Variants in SLC10A7 observed in about 807,000 individuals in gnomAD.
The protein encoded by SLC10A7 is solute carrier family 10 member 7.
Under a neutral mutation model 43.2 loss-of-function variants are expected in SLC10A7, and 29 were observed. That is an observed-to-expected ratio of 0.67 (90% CI 0.50 to 0.92). SLC10A7 has a LOEUF of 0.92. Among genes scored for constraint, SLC10A7 ranks in the 40% least tolerant of loss-of-function variants. The pLI is 0.00. For missense variants in SLC10A7, 295 were observed against 403.2 expected (o/e 0.73, Z 2.30); for synonymous variants, 152 against 144.8 (o/e 1.05, Z -0.35).
intron 5 of SLC10A7, among the ~76,000 whole-genome samples, chr4:146,391,160 A>G (rs1053091460): frequency 6.6e-6 from 1 of 152,232 alleles, no homozygotes; most frequent in Non-Finnish European, 1.5e-5. Context: ...TGTAGACCAT[A>G]TAAACTCTTG....
chr4:146,517,464 A>G (rs1050229820), intron 1 of SLC10A7, among the ~76,000 whole-genome samples: 1 of 151,586 alleles, frequency 6.6e-6, no homozygotes, highest in Non-Finnish European at 1.5e-5. Flanking sequence ...CTCTGTCTCA[A>G]AATAATAATA....
intron 5 of SLC10A7, among the ~76,000 whole-genome samples, chr4:146,416,264 G>T (rs1728558595): frequency 6.6e-6 from 1 of 152,202 alleles, no homozygotes; most frequent in Non-Finnish European, 1.5e-5. Context: ...TGAGAGCCAT[G>T]CCTAGTATGC....
chr4:146,394,276 G>A (rs1244163732), intron 5 of SLC10A7, among the ~76,000 whole-genome samples: 2 of 152,110 alleles, frequency 1.3e-5, no homozygotes, highest in Non-Finnish European at 2.9e-5. Context: ...TTATCTACCA[G>A]TGCTGTGACT....
chr4:146,507,348 T>C (rs1737011278), intron 3 of SLC10A7, among the ~76,000 whole-genome samples: 1 of 152,000 alleles, frequency 6.6e-6, no homozygotes, highest in African/African-American at 2.4e-5. Context: ...GATCACGAGG[T>C]GAAGAGATTG....
intron 4 of SLC10A7, among the ~76,000 whole-genome samples, chr4:146,489,618 G>C (rs1290210369): frequency 1.3e-5 from 2 of 152,156 alleles, no homozygotes; most frequent in Non-Finnish European, 2.9e-5. Flanking sequence ...GTAGGGCAAA[G>C]GAACTGCCCA....
At chr4:146,306,577 G>A (rs1731589852) in intron 6 of SLC10A7, among the ~76,000 whole-genome samples, 1 of 151,920 alleles carries the variant, frequency 6.6e-6, no homozygotes, top group Non-Finnish European at 1.5e-5. Context: ...AAATTTGTAC[G>A]CTTTAACACT....
intron 6 of SLC10A7, among the ~76,000 whole-genome samples, chr4:146,318,342 C>A (rs1420956651): frequency 6.6e-6 from 1 of 152,052 alleles, no homozygotes; most frequent in Non-Finnish European, 1.5e-5. Context: ...CCTCTGTCTT[C>A]TTAAAACCAA....
chr4:146,487,797 T>C (rs563163580), intron 4 of SLC10A7, among the ~76,000 whole-genome samples: 12 of 152,056 alleles, frequency 7.9e-5, no homozygotes, highest in Non-Finnish European at 1.3e-4. Context: ...TGTAATCTCA[T>C]CTCTTTGGGA....
At chr4:146,258,661 G>A (rs368858292) in intron 11 of SLC10A7, 31 bp downstream of exon 11, 2 of 1,560,080 alleles carry the variant, frequency 1.3e-6, no homozygotes, top group East Asian at 2.3e-5. Flanking sequence ...AATCTAACTT[G>A]GATCCAAATA....
intron 5 of SLC10A7, among the ~76,000 whole-genome samples, chr4:146,400,127 C>G (rs1301279780): frequency 6.6e-6 from 1 of 152,014 alleles, no homozygotes; most frequent in East Asian, 1.9e-4. Context: ...AAAGAGGTAT[C>G]ATGGAAATGA....
intron 4 of SLC10A7, among the ~76,000 whole-genome samples, chr4:146,447,137 T>G (rs1731162642): frequency 6.6e-6 from 1 of 152,166 alleles, no homozygotes; most frequent in Non-Finnish European, 1.5e-5. Context: ...TGCCTGAACC[T>G]TCCTATTATA....
Position 146,258,738 on chromosome 4 carries a change from C to T in SLC10A7, c.947G>A (p.Ser316Asn). The change falls in exon 11 of 12, where the codon AGT (serine) becomes AAT (asparagine). Residue 316 changes from serine (S) to asparagine (N), a missense_variant. By Grantham distance (46) the Ser-to-Asn change is conservative. Transcript: ENST00000335472. ...AGACTTGATTGTTGGCACCAACACACTTCCCAGAAGGATCTGAGCTGGGTG... is the reference window on the plus strand; with the variant it reads ...AGACTTGATTGTTGGCACCAACACATTTCCCAGAAGGATCTGAGCTGGGTG... ...IYHPAQILLG[S>N]VLVPTIKSWM... 6.2e-7 allele frequency: 1 copy of T among 1,608,034 alleles called. No homozygotes were observed. The highest frequency in any genetic ancestry group is 8.5e-7 in the Non-Finnish European group (1 of 1,178,700).
intron 5 of SLC10A7, among the ~76,000 whole-genome samples, chr4:146,338,866 A>C (rs1734067447): frequency 6.6e-6 from 1 of 152,060 alleles, no homozygotes; most frequent in South Asian, 2.1e-4. Flanking sequence ...AGAACAGATT[A>C]GAGGAAGGTT....
chr4:146,513,717 T>C (rs1737688546), intron 2 of SLC10A7, among the ~76,000 whole-genome samples: 1 of 152,032 alleles, frequency 6.6e-6, no homozygotes, highest in African/African-American at 2.4e-5. Flanking sequence ...TTTCACAAAA[T>C]CCCAGCATCA....
At chr4:146,439,272 A>AGG (rs1730429425) in intron 5 of SLC10A7, among the ~76,000 whole-genome samples, 3 of 152,228 alleles carry the variant, frequency 2.0e-5, no homozygotes, top group Non-Finnish European at 4.4e-5. Context: ...AACACTGTTT[A>AGG]AATTAGACCT....
At chr4:146,274,956 T>C (rs1285425968) in intron 10 of SLC10A7, among the ~76,000 whole-genome samples, 1 of 152,146 alleles carries the variant, frequency 6.6e-6, no homozygotes, top group Non-Finnish European at 1.5e-5. Context: ...AAAATGCACC[T>C]ACACAAAACC....
At chr4:146,314,751 T>C (rs1288315708) in intron 6 of SLC10A7, among the ~76,000 whole-genome samples, 1 of 152,130 alleles carries the variant, frequency 6.6e-6, no homozygotes, top group African/African-American at 2.4e-5. Context: ...TTGACCTTTA[T>C]GGCTGGAGAG....
intron 5 of SLC10A7, among the ~76,000 whole-genome samples, chr4:146,389,920 C>G (rs1738295795): frequency 6.6e-6 from 1 of 152,202 alleles, no homozygotes; most frequent in Non-Finnish European, 1.5e-5. Flanking sequence ...TGCCAAATCA[C>G]TTAGCACAGT....
intron 5 of SLC10A7, among the ~76,000 whole-genome samples, chr4:146,440,675 GA>G (rs1246959262): frequency 6.6e-6 from 1 of 151,640 alleles, no homozygotes; most frequent in Admixed American, 6.6e-5. Context: ...GTGAAGAGAG[GA>G]AAAAAAGATA....
Sources: allele counts gnomAD v4.1 joint callset (sites outside exome capture counted in the v4.1 genomes callset), GRCh38; gene constraint gnomAD v4.1.1; transcripts MANE v1.5; gene names NCBI Gene and HGNC (gene_info 2026-07-23, HGNC 2026-07-21).